UNC79: variants seen among roughly 807,000 people sequenced by gnomAD.
UNC79 encodes protein unc-79 homolog.
UNC79 carries 37 observed loss-of-function variants against 283.1 expected under a neutral mutation model. The observed-to-expected ratio is 0.13, with a 90% CI of 0.10 to 0.17. UNC79 has a LOEUF of 0.17. Ranked by LOEUF, UNC79 falls within the 10% of genes least tolerant of loss-of-function variation. The pLI, the probability that UNC79 is intolerant of heterozygous loss-of-function variation, is 1.00. For synonymous variants in UNC79, 1,107 were observed against 1,200.2 expected (o/e 0.92, Z 1.61); for missense variants, 2,272 against 3,211.1 (o/e 0.71, Z 7.07).
intron 20 of UNC79, among the ~76,000 whole-genome samples, chr14:93,582,947 C>T (rs1196106324): frequency 6.6e-6 from 1 of 152,054 alleles, no homozygotes; most frequent in Non-Finnish European, 1.5e-5. Context: ...GGTGGTGGCA[C>T]TCTGGGGATC....
chr14:93,445,914 A>T (rs978775309), intron 1 of UNC79, among the ~76,000 whole-genome samples: 2 of 152,170 alleles, frequency 1.3e-5, no homozygotes, highest in African/African-American at 4.8e-5. Context: ...ATTTACTGGT[A>T]TAAAGTTATT....
intron 46 of UNC79, among the ~76,000 whole-genome samples, chr14:93,693,740 A>G (rs2140967946): frequency 6.6e-6 from 1 of 152,318 alleles, no homozygotes; most frequent in South Asian, 2.1e-4. Context: ...ATTACTGGGG[A>G]ACATTGATGT....
At chr14:93,702,136 G>A (rs1222915915) in intron 47 of UNC79, among the ~76,000 whole-genome samples, 1 of 152,204 alleles carries the variant, frequency 6.6e-6, no homozygotes, top group Non-Finnish European at 1.5e-5. Context: ...AAATTATAGG[G>A]GGAGACAGTT....
At chr14:93,598,491 A>T (rs1427449623) in intron 24 of UNC79, among the ~76,000 whole-genome samples, 3 of 151,792 alleles carry the variant, frequency 2.0e-5, no homozygotes, top group African/African-American at 4.8e-5. Flanking sequence ...TAGAGCCTTG[A>T]TGCTAACAGA....
At chr14:93,397,813 A>G (rs1260430958) in intron 1 of UNC79, among the ~76,000 whole-genome samples, 2 of 140,772 alleles carry the variant, frequency 1.4e-5, no homozygotes. Flanking sequence ...AATTCCAGCT[A>G]CTTGGGAGAC....
intron 43 of UNC79, 132 bp downstream of exon 46, chr14:93,686,793 T>C: frequency 1.1e-6 from 1 of 948,604 alleles, no homozygotes; most frequent in Non-Finnish European, 1.6e-6. Flanking sequence ...GCCCCTGTCT[T>C]GGGGGATCAA....
chr14:93,548,402 G>A (rs1370126790), intron 14 of UNC79, among the ~76,000 whole-genome samples: 2 of 152,166 alleles, frequency 1.3e-5, no homozygotes, highest in Admixed American at 6.5e-5. Flanking sequence ...TAAGAACTTT[G>A]CGGGGACACA....
At chr14:93,467,685 C>T in exon 2 of UNC79, 12 of 708,412 alleles carry the variant, frequency 1.7e-5, no homozygotes, top group East Asian at 8.0e-5. Context: ...TTCCAAGATC[C>T]GGTACTTGCA....
At chr14:93,524,072 T>A in intron 8 of UNC79, 30 bp downstream of exon 8, 3 of 1,612,358 alleles carry the variant, frequency 1.9e-6, no homozygotes, top group Non-Finnish European at 2.5e-6. Flanking sequence ...GGTGCCATAC[T>A]GTATTGTCAG....
chr14:93,542,717 C>A, intron 14 of UNC79, 21 bp downstream of exon 14: 2 of 1,613,120 alleles, frequency 1.2e-6, no homozygotes, highest in Non-Finnish European at 1.7e-6. Context: ...GCCTACAGCT[C>A]ACACCTTGTT....
chr14:93,635,455 CT>C (rs2068429969), intron 31 of UNC79, among the ~76,000 whole-genome samples: 2 of 152,164 alleles, frequency 1.3e-5, no homozygotes, highest in African/African-American at 4.8e-5. Flanking sequence ...TTGAATCGGA[CT>C]CTTTTAGTAT....
chr14:93,459,532 T>C (rs1188802800), intron 1 of UNC79, among the ~76,000 whole-genome samples: 3 of 152,220 alleles, frequency 2.0e-5, no homozygotes, highest in Non-Finnish European at 4.4e-5. Context: ...CTGAATATTA[T>C]TAAACCAGTA....
In UNC79 at chr14:93,591,277, G is replaced by C. The variant is rs1057502481; in HGVS notation, c.3033-2403G>C. Among the ~76,000 whole-genome samples, 4 of 152,120 alleles carry C rather than the reference G, an allele frequency of 2.6e-5. No homozygotes were observed. The East Asian group carries it at 7.7e-4, about 29-fold the overall frequency. On this transcript the variant is annotated intron_variant, in intron 22 of 48. Transcript: ENST00000555664. ...TTCCCTTCTCTTACCGGTGCAGCATGAGCTATGTAAAGTCACAAATACAGG... is the reference window on the plus strand; with the variant it reads ...TTCCCTTCTCTTACCGGTGCAGCATCAGCTATGTAAAGTCACAAATACAGG...
chr14:93,395,089 T>C (rs1006174205), intron 1 of UNC79, among the ~76,000 whole-genome samples: 3 of 152,228 alleles, frequency 2.0e-5, no homozygotes, highest in Non-Finnish European at 4.4e-5. Context: ...TTTATCTATG[T>C]AATTACCTTT....
At chr14:93,647,079 C>T (rs1179176221) in intron 35 of UNC79, among the ~76,000 whole-genome samples, 1 of 152,196 alleles carries the variant, frequency 6.6e-6, no homozygotes, top group Non-Finnish European at 1.5e-5. Context: ...GGCTTATAGT[C>T]TATCCATGAA....
chr14:93,566,508 T>G (rs2062889594), intron 14 of UNC79, among the ~76,000 whole-genome samples: 1 of 152,078 alleles, frequency 6.6e-6, no homozygotes, highest in African/African-American at 2.4e-5. Context: ...ATGGTTACCT[T>G]GAGTAACAGG....
intron 20 of UNC79, among the ~76,000 whole-genome samples, chr14:93,584,304 TG>T (rs1400911216): frequency 6.6e-6 from 1 of 152,192 alleles, no homozygotes; most frequent in Admixed American, 6.5e-5. Flanking sequence ...ATTCCAGAGC[TG>T]TAACGGAACA....
intron 1 of UNC79, among the ~76,000 whole-genome samples, chr14:93,336,599 C>T (rs2053582730): frequency 6.6e-6 from 1 of 152,060 alleles, no homozygotes; most frequent in East Asian, 1.9e-4. Flanking sequence ...CCTTGGCCTC[C>T]CAAAGTGCTA....
intron 40 of UNC79, among the ~76,000 whole-genome samples, chr14:93,663,648 G>T (rs1392269511): frequency 6.6e-6 from 1 of 151,902 alleles, no homozygotes. Flanking sequence ...GGTAATCTTT[G>T]TTTTTCTGAT....
Sources: allele counts gnomAD v4.1 joint callset (sites outside exome capture counted in the v4.1 genomes callset), GRCh38; gene constraint gnomAD v4.1.1; transcripts MANE v1.5; gene names NCBI Gene and HGNC (gene_info 2026-07-23, HGNC 2026-07-21).